Variants in KNG1 observed in about 807,000 individuals in gnomAD.
KNG1 encodes the protein kininogen-1.
KNG1 carries 23 observed loss-of-function variants against 47.8 expected under a neutral mutation model. That is an observed-to-expected ratio of 0.48 (90% CI 0.35 to 0.68). The LOEUF is 0.68. Ranked by LOEUF, KNG1 falls within the 30% of genes least tolerant of loss-of-function variation. The pLI is 0.01. For synonymous variants in KNG1, 277 were observed against 277.0 expected, an observed-to-expected ratio of 1.00 and a Z score of 0.00; for missense variants, 762 against 790.2, an observed-to-expected ratio of 0.96 and a Z score of 0.43.
intron 3 of KNG1, among the ~76,000 whole-genome samples, 155 bp downstream of exon 3, chr3:186,722,676 C>T (rs543561838): frequency 1.8e-4 from 27 of 152,294 alleles, no homozygotes; most frequent in African/African-American, 6.0e-4. Flanking sequence ...CGGCAGAGCC[C>T]GGAGGTTGAG....
intron 2 of KNG1, 69 bp from the exon 3 acceptor site, chr3:186,722,368 A>G (rs1720227527): frequency 2.4e-6 from 3 of 1,263,912 alleles, no homozygotes. Flanking sequence ...AGCCACATTT[A>G]GCAACAGTAT....
chr3:186,718,858 A>C (rs541934729), intron 1 of KNG1, among the ~76,000 whole-genome samples: 9 of 152,362 alleles, frequency 5.9e-5, no homozygotes, highest in Admixed American at 4.6e-4. Flanking sequence ...ATATTATTGC[A>C]ATGATGCACT....
Position 186,742,131 on chromosome 3 carries a change from G to C in KNG1, c.1735G>C (p.Ala579Pro), listed in dbSNP as rs766583108. 6.2e-7 allele frequency: 1 copy of C among 1,613,956 alleles called. No individual in the cohort carries two copies. Among genetic ancestry groups the C allele is most frequent in the South Asian group, 1.1e-5 (1 of 91,082 alleles). Residue 579 changes from alanine (A) to proline (P), a missense_variant, in exon 10 of 10, where the codon GCT becomes CCT. Transcript: ENST00000644859. ...AACTATGATGCCTCCTATATCACCA[G>C]CTCCCATACAGAGTGATGACGATTG... ...IATMMPPISP[A>P]PIQSDDDWIP...
At position 186,720,137 on chromosome 3, in the gene KNG1, C is replaced by T. The variant is rs142661545; in HGVS notation, c.228C>T (p.Tyr76=). Residue 76 remains tyrosine, a synonymous_variant, in exon 2 of 10, where the codon TAC becomes TAT. Coordinates refer to ENST00000644859, the MANE Select transcript of KNG1 (RefSeq NM_001102416.3). The part of the protein sequence containing the change: ...VGSDTFYSFK[Y]EIKEGDCPVQ... ...CTGACACGTTTTATTCCTTCAAGTA[C>T]GAAATCAAGGAGGGGGATTGTCCTG... 43 of 1,613,842 alleles carry T rather than the reference C, an allele frequency of 2.7e-5. 2 individuals are homozygous for T. In the East Asian group the frequency reaches 4.2e-4, roughly 16 times the overall value.
rs987076607 is a variant in KNG1 at position 186,741,772 on chromosome 3, A to G, written c.1376A>G (p.His459Arg). ...CAAGGGCATGGGCACCAAAGAGGAC[A>G]TGGCCTTGGCCATGGACACGAACAA... ...RDQGHGHQRG[H>R]GLGHGHEQQH... Residue 459 changes from histidine (H) to arginine (R), a missense_variant, in exon 10 of 10, where the codon CAT (histidine) becomes CGT (arginine). Coordinates refer to ENST00000644859, the MANE Select transcript of KNG1 (RefSeq NM_001102416.3). 1.2e-6 allele frequency: 2 copies of G among 1,614,152 alleles called. No homozygotes were observed. Among genetic ancestry groups the G allele is most frequent in the Non-Finnish European group, 8.5e-7 (1 of 1,180,022 alleles).
At chr3:186,720,506 G>A (rs916034966) in intron 2 of KNG1, 1 of 367,390 alleles carries the variant, frequency 2.7e-6, no homozygotes, top group Non-Finnish European at 5.1e-6. Context: ...TGACATTTGG[G>A]CCAAGCCAAA....
At chr3:186,740,318 T>C (rs1016297724) in intron 9 of KNG1, among the ~76,000 whole-genome samples, 1 of 152,220 alleles carries the variant, frequency 6.6e-6, no homozygotes, top group Admixed American at 6.5e-5. Flanking sequence ...CCAGGCACTA[T>C]ACTGAAGGTT....
At chr3:186,733,830 T>C (rs1720604048) in intron 7 of KNG1, among the ~76,000 whole-genome samples, 1 of 152,078 alleles carries the variant, frequency 6.6e-6, no homozygotes, top group African/African-American at 2.4e-5. Flanking sequence ...TAGCCAGGTA[T>C]GGTGGTACAT....
At position 186,731,529 on chromosome 3, in the gene KNG1, GC is replaced by G. The variant is rs1468130862; in HGVS notation, c.673-15del. The G allele has an allele frequency of 1.9e-5, 30 of 1,552,792 alleles. No individual in the cohort carries two copies. The highest frequency in any genetic ancestry group is 2.6e-5 in the Non-Finnish European group (29 of 1,124,450). On this transcript the variant is annotated splice_polypyrimidine_tract_variant and intron_variant, in intron 5 of 9. Transcript: ENST00000644859. ...AATGTTTTTAACTGAGCACTTATAT[GC>G]TTTTTAAAAACCAGGATACCGGTGA...
chr3:186,727,217 T>G lies in KNG1; in HGVS notation c.565-20T>G. 1 of 1,520,864 alleles carries G rather than the reference T, an allele frequency of 6.6e-7. No individual in the cohort carries two copies. The highest frequency in any genetic ancestry group is 9.1e-7 in the Non-Finnish European group (1 of 1,095,120). The allele number at this position is 1,520,864 out of a possible 1,614,324, so 94.2% of individuals were successfully genotyped here. A position where few individuals can be genotyped will look rare whatever the true frequency, so the allele number is the denominator to read the frequency against. On this transcript the variant is annotated intron_variant, in intron 4 of 9. Transcript: ENST00000644859. ...AATGTTTAAACTGCCCTTTAAATATTCAATCTGAAATTGTTTCAGGTGGTG... is the reference window on the plus strand; with the variant it reads ...AATGTTTAAACTGCCCTTTAAATATGCAATCTGAAATTGTTTCAGGTGGTG...
chr3:186,725,775 A>G (rs1467040377), intron 4 of KNG1, among the ~76,000 whole-genome samples: 11 of 150,684 alleles, frequency 7.3e-5, no homozygotes, highest in Admixed American at 7.3e-4. Flanking sequence ...GATGGTCTCA[A>G]TCTCCTGGCC....
Position 186,722,651 on chromosome 3 carries a change from G to A in KNG1, c.391+130G>A, listed in dbSNP as rs2304453. 106 of 767,642 alleles carry A rather than the reference G, an allele frequency of 1.4e-4. No individual in the cohort carries two copies. The East Asian group carries it at 2.7e-3, about 20-fold the overall frequency. 47.6% of individuals were successfully genotyped at this position (767,642 alleles called of 1,614,324 possible). ...TAGTAAAGCCATTTGCAGAGTTAGGGAGCATTGGGTGGAGCGGCAGAGCCC... is the reference window on the plus strand; with the variant it reads ...TAGTAAAGCCATTTGCAGAGTTAGGAAGCATTGGGTGGAGCGGCAGAGCCC... On this transcript the variant is annotated intron_variant, in intron 3 of 9. Coordinates refer to ENST00000644859, the MANE Select transcript of KNG1 (RefSeq NM_001102416.3).
chr3:186,738,809 G>GCACGGCACTCCAGCCTGGGC (rs1720730857), intron 7 of KNG1: 3 of 335,660 alleles, frequency 8.9e-6, no homozygotes, highest in African/African-American at 6.5e-5. Context: ...TCGTGCCACT[G>GCACGGCACTCCAGCCTGGGC]CACTCCAGCC....
intron 7 of KNG1, among the ~76,000 whole-genome samples, chr3:186,737,540 TTTTG>T (rs978954224): frequency 2.0e-5 from 3 of 152,072 alleles, no homozygotes; most frequent in South Asian, 2.1e-4. Context: ...TTTAGTTGTT[TTTTG>T]TTTGTTTGTT....
In KNG1 at chr3:186,725,171, A is replaced by G. The variant is rs757723022; in HGVS notation, c.475A>G (p.Ile159Val). ...AACGCAGAGCCCAGACCTGGAGCCC[A>G]TTCTGAGACACGGCATTCAGTACTT... Reference protein sequence around the residue: ...ISTQSPDLEPILRHGIQYFNN... With the variant: ...ISTQSPDLEPVLRHGIQYFNN... Residue 159 changes from isoleucine to valine, a missense_variant, in exon 4 of 10, where the codon ATT (isoleucine) becomes GTT (valine). Transcript: ENST00000644859. 6 of 1,614,190 alleles carry G rather than the reference A, an allele frequency of 3.7e-6. No homozygotes were observed. Among genetic ancestry groups the G allele is most frequent in the Admixed American group, 1.7e-5 (1 of 60,008 alleles).
chr3:186,725,246 C>T lies in KNG1; in HGVS notation c.550C>T (p.Arg184Trp), dbSNP rs562438530. The T allele has an allele frequency of 1.8e-4, 296 of 1,613,960 alleles. 1 individual carries two copies. The South Asian group carries it at 2.3e-3, about 12-fold the overall frequency. Residue 184 changes from arginine to tryptophan, a missense_variant, in exon 4 of 10, where the codon CGG becomes TGG. Transcript: ENST00000644859. Reference protein sequence around the residue: ...SSLFMLNEVKRAQRQVVAGLN... With the variant: ...SSLFMLNEVKWAQRQVVAGLN... ...CCTCTTCATGCTTAATGAAGTAAAA[C>T]GGGCCCAAAGACAGGTTTGTTCTTT...
In KNG1 at chr3:186,743,822, C is replaced by T; in HGVS notation, c.*1491C>T. The T allele has an allele frequency of 2.8e-6, 4 of 1,446,570 alleles. No individual in the cohort carries two copies. Among genetic ancestry groups the T allele is most frequent in the Non-Finnish European group, 3.9e-6 (4 of 1,027,362 alleles). 89.6% of individuals were successfully genotyped at this position (1,446,570 alleles called of 1,614,324 possible). A position where few individuals can be genotyped will look rare whatever the true frequency, so the allele number is the denominator to read the frequency against. ...AATCTTCACTCCAGGCACATAGCCC[C>T]AACCACCTCTGCCAGCAACCTTGAG... On this transcript the variant is annotated 3_prime_UTR_variant, in exon 10 of 10. Coordinates refer to ENST00000644859, the MANE Select transcript of KNG1 (RefSeq NM_001102416.3).
chr3:186,726,149 G>A (rs138134763), intron 4 of KNG1, among the ~76,000 whole-genome samples: 1 of 151,838 alleles, frequency 6.6e-6, no homozygotes, highest in Non-Finnish European at 1.5e-5. Flanking sequence ...CAAGCGGGTG[G>A]TCTCAAACTC....
chr3:186,722,112 T>G (rs1720216717), intron 2 of KNG1: 2 of 158,972 alleles, frequency 1.3e-5, no homozygotes, highest in Non-Finnish European at 2.1e-5. Context: ...AGCAACACTC[T>G]GTCTCAAAAA....
Sources: gnomAD v4.1 joint callset for allele counts (sites outside exome capture counted in the v4.1 genomes callset) on GRCh38, gnomAD v4.1.1 for gene constraint, MANE v1.5 for transcripts, NCBI Gene and HGNC (gene_info 2026-07-23, HGNC 2026-07-21) for gene names.